Variants in NETO1 observed in about 807,000 individuals in gnomAD.
NETO1 encodes neuropilin and tolloid like 1.
Under a neutral mutation model 61.3 loss-of-function variants are expected in NETO1, and 26 were observed. The ratio of observed to expected loss-of-function variants is 0.42; its 90% CI spans 0.31 to 0.59. The LOEUF is 0.59. NETO1 is among the 20% of genes least tolerant of loss of function. The probability of loss-of-function intolerance (pLI) is 0.12; values close to 1 mark genes in which losing one functional copy is unlikely to be tolerated. For synonymous variants in NETO1, 225 were observed against 225.8 expected, an observed-to-expected ratio of 1.00 and a Z score of 0.03; for missense variants, 531 against 662.8, an observed-to-expected ratio of 0.80 and a Z score of 2.18.
chr18:72,764,747 C>T (rs1160823442), intron 7 of NETO1, among the ~76,000 whole-genome samples: 13 of 152,154 alleles, frequency 8.5e-5, no homozygotes, highest in Admixed American at 8.5e-4. Flanking sequence ...CCCTCTTCCT[C>T]TTATCCACAT....
intron 6 of NETO1, among the ~76,000 whole-genome samples, chr18:72,792,982 C>G (rs1231837823): frequency 6.6e-6 from 1 of 152,086 alleles, no homozygotes; most frequent in Non-Finnish European, 1.5e-5. Context: ...ATTGACTTCC[C>G]CTACCTGGTG....
intron 7 of NETO1, among the ~76,000 whole-genome samples, chr18:72,772,758 T>C (rs1439936989): frequency 1.8e-4 from 6 of 32,930 alleles, no homozygotes; most frequent in East Asian, 1.9e-3. Flanking sequence ...TCTATATATA[T>C]CTATATATAT....
At chr18:72,784,363 T>C (rs1284176933) in intron 6 of NETO1, among the ~76,000 whole-genome samples, 1 of 152,226 alleles carries the variant, frequency 6.6e-6, no homozygotes, top group Admixed American at 6.5e-5. Flanking sequence ...AAAGACAGTC[T>C]CTCTGATTTG....
chr18:72,772,363 G>A (rs553471818), intron 7 of NETO1, among the ~76,000 whole-genome samples: 12 of 152,158 alleles, frequency 7.9e-5, no homozygotes, highest in African/African-American at 2.6e-4. Context: ...ATGACCCCAT[G>A]ACATAAAGTT....
rs183837324 is a variant in NETO1, at chr18:72,860,055, T to C, written c.221-981A>G. On this transcript the variant is annotated intron_variant, in intron 3 of 10. Coordinates refer to ENST00000327305, the MANE Select transcript of NETO1 (RefSeq NM_138966.5). ...TCTATACAGCACCACATGAATGCTT[T>C]TGCTAATGGTCTTTCATTCTTCCCC... Among the ~76,000 whole-genome samples the C allele has an allele frequency of 1.5e-3, 234 of 152,346 alleles. 1 individual carries two copies. The highest frequency in any genetic ancestry group is 2.3e-3 in the Non-Finnish European group (159 of 68,032).
At chr18:72,799,199 T>C (rs2072419916) in intron 4 of NETO1, among the ~76,000 whole-genome samples, 2 of 152,170 alleles carry the variant, frequency 1.3e-5, no homozygotes, top group Admixed American at 1.3e-4. Context: ...CACAGCTACT[T>C]TCAGCTAGCA....
At chr18:72,755,978 T>C in intron 8 of NETO1, 56 bp downstream of exon 8, 1 of 862,264 alleles carries the variant, frequency 1.2e-6, no homozygotes, top group African/African-American at 1.7e-5. Context: ...CATATAAACT[T>C]CTACCCCACT....
At chr18:72,771,863 A>G (rs557344625) in intron 7 of NETO1, among the ~76,000 whole-genome samples, 1 of 152,236 alleles carries the variant, frequency 6.6e-6, no homozygotes, top group African/African-American at 2.4e-5. Context: ...AATTATCACA[A>G]ATTTACCCAC....
intron 6 of NETO1, among the ~76,000 whole-genome samples, chr18:72,787,592 T>C (rs11151799): frequency 0.23 from 35,585 of 152,196 alleles, 4,704 homozygotes; most frequent in Admixed American, 0.33. Flanking sequence ...TTGCGTGTTA[T>C]ATTGACGATA....
At chr18:72,782,894 C>T (rs2071792327) in intron 7 of NETO1, among the ~76,000 whole-genome samples, 1 of 152,210 alleles carries the variant, frequency 6.6e-6, no homozygotes, top group Non-Finnish European at 1.5e-5. Flanking sequence ...ACTTGGATTT[C>T]TCTAATAATT....
intron 6 of NETO1, among the ~76,000 whole-genome samples, chr18:72,793,468 T>C (rs1287198736): frequency 6.6e-6 from 1 of 152,166 alleles, no homozygotes; most frequent in Non-Finnish European, 1.5e-5. Flanking sequence ...ACTTTTAATT[T>C]TTATAATGTA....
chr18:72,855,135 T>A (rs1428577545), intron 4 of NETO1, among the ~76,000 whole-genome samples: 1 of 152,218 alleles, frequency 6.6e-6, no homozygotes, highest in Non-Finnish European at 1.5e-5. Flanking sequence ...GGCGTAACTT[T>A]TAACATTCTT....
At chr18:72,818,167 ATACT>A (rs917080532) in intron 4 of NETO1, among the ~76,000 whole-genome samples, 2 of 152,220 alleles carry the variant, frequency 1.3e-5, no homozygotes, top group African/African-American at 2.4e-5. Context: ...AACTACTAAG[ATACT>A]TACACATAGA....
intron 7 of NETO1, among the ~76,000 whole-genome samples, chr18:72,760,750 T>G (rs1473819169): frequency 6.9e-6 from 1 of 144,230 alleles, no homozygotes; most frequent in African/African-American, 2.4e-5. Context: ...ATACAAACAT[T>G]ACAAGACAGA....
intron 4 of NETO1, among the ~76,000 whole-genome samples, chr18:72,795,993 C>T (rs558614424): frequency 5.9e-5 from 9 of 152,230 alleles, no homozygotes; most frequent in South Asian, 4.1e-4. Context: ...ACTTGGCATA[C>T]GATTTAAAAG....
chr18:72,865,917 T>C (rs1021398496), intron 1 of NETO1, among the ~76,000 whole-genome samples: 3 of 152,324 alleles, frequency 2.0e-5, no homozygotes, highest in Non-Finnish European at 2.9e-5. Context: ...AATCAATATA[T>C]AGAAATTGAT....
Position 72,783,690 on chromosome 18 carries a change from A to G in NETO1, c.856T>C (p.Ser286Pro). The G allele has an allele frequency of 1.9e-6, 3 of 1,614,106 alleles. No homozygotes were observed. The highest frequency in any genetic ancestry group is 2.5e-6 in the Non-Finnish European group (3 of 1,179,932). The part of the protein sequence containing the change: ...RNSRFQMLFT[S>P]FQEPPCEGNT... Reference sequence around the variant, plus strand: ...CAGAGAATCTTACGTTCTTGAAAGGATGTGAAGAGCATCTGAAATCGGCTG... The same window carrying G: ...CAGAGAATCTTACGTTCTTGAAAGGGTGTGAAGAGCATCTGAAATCGGCTG... Residue 286 changes from serine to proline, a missense_variant, in exon 7 of 11, where the codon TCC (serine) becomes CCC (proline). Coordinates refer to ENST00000327305, the MANE Select transcript of NETO1 (RefSeq NM_138966.5).
At position 72,748,181 on chromosome 18, in the gene NETO1, G is replaced by T; in HGVS notation, c.*15-17C>A. 1 of 982,820 alleles carries T rather than the reference G, an allele frequency of 1.0e-6. No homozygotes were observed. The highest frequency in any genetic ancestry group is 1.7e-5 in the African/African-American group (1 of 57,252). The allele number at this position is 982,820 out of a possible 1,614,324, so 60.9% of individuals were successfully genotyped here. A position where few individuals can be genotyped will look rare whatever the true frequency, so the allele number is the denominator to read the frequency against. The stretch of plus-strand genomic sequence containing the variant: ...AGTTCTTCTCTGAAAATAAAAAACA[G>T]TTAAAACATTTTCTCCCAATGAAAA... On this transcript the variant is annotated splice_polypyrimidine_tract_variant and intron_variant, in intron 10 of 10. Coordinates refer to ENST00000327305, the MANE Select transcript of NETO1 (RefSeq NM_138966.5).
intron 4 of NETO1, among the ~76,000 whole-genome samples, chr18:72,812,324 G>A (rs1599051148): frequency 6.6e-6 from 1 of 152,220 alleles, no homozygotes; most frequent in East Asian, 1.9e-4. Context: ...AGAGGCAGCA[G>A]CTTCACTGCT....
Sources: gnomAD v4.1 joint callset for allele counts (sites outside exome capture counted in the v4.1 genomes callset) on GRCh38, gnomAD v4.1.1 for gene constraint, MANE v1.5 for transcripts, NCBI Gene and HGNC (gene_info 2026-07-23, HGNC 2026-07-21) for gene names.